The following PBX3 variants were observed in gnomAD, a reference collection of about 807,000 sequenced individuals.
PBX3 encodes PBX homeobox 3.
In PBX3, 14 loss-of-function variants were observed where a neutral mutation model predicts 48.5. The ratio of observed to expected loss-of-function variants is 0.29; its 90% CI spans 0.19 to 0.45. PBX3 has a LOEUF of 0.45. Ranked by LOEUF, PBX3 falls within the 20% of genes least tolerant of loss-of-function variation. The pLI is 1.00. For missense variants in PBX3, 386 were observed against 546.7 expected (o/e 0.71, Z 2.93); for synonymous variants, 210 against 200.3 (o/e 1.05, Z -0.41).
At chr9:125,942,485 T>C (rs961253717) in intron 5 of PBX3, among the ~76,000 whole-genome samples, 6 of 152,122 alleles carry the variant, frequency 3.9e-5, no homozygotes, top group Admixed American at 2.0e-4. Context: ...AAGATTTCCT[T>C]ATTAAAAAAA....
chr9:125,888,622 G>C (rs1408873016), intron 2 of PBX3, among the ~76,000 whole-genome samples: 1 of 151,294 alleles, frequency 6.6e-6, no homozygotes, highest in African/African-American at 2.4e-5. Flanking sequence ...TACAAACTTA[G>C]TAAAGTTTTG....
chr9:125,843,639 C>T (rs192264399), intron 2 of PBX3: 31 of 254,502 alleles, frequency 1.2e-4, no homozygotes, highest in East Asian at 3.4e-4. Context: ...ACAACAGTCC[C>T]GAAAGAATAT....
chr9:125,860,041 C>T (rs1194461477), intron 2 of PBX3, among the ~76,000 whole-genome samples: 1 of 152,214 alleles, frequency 6.6e-6, no homozygotes, highest in Non-Finnish European at 1.5e-5. Flanking sequence ...GTTTATGCCA[C>T]TGTAACAAAC....
At chr9:125,804,789 T>C (rs1281432926) in intron 2 of PBX3, among the ~76,000 whole-genome samples, 1 of 151,526 alleles carries the variant, frequency 6.6e-6, no homozygotes, top group Non-Finnish European at 1.5e-5. Context: ...TTACTAAAAA[T>C]GCAAAAAATT....
intron 2 of PBX3, among the ~76,000 whole-genome samples, chr9:125,904,589 G>GAGTAA (rs1282007106): frequency 4.0e-4 from 61 of 151,980 alleles, no homozygotes; most frequent in African/African-American, 1.4e-3. Flanking sequence ...CAGTGAGGTT[G>GAGTAA]CCGTTTTATT....
intron 2 of PBX3, among the ~76,000 whole-genome samples, chr9:125,806,693 A>G (rs1316770656): frequency 1.3e-5 from 2 of 152,176 alleles, no homozygotes; most frequent in South Asian, 2.1e-4. Context: ...TGGCAGTCAT[A>G]TGGGGGGAAA....
At chr9:125,904,771 A>G (rs1197998098) in intron 2 of PBX3, among the ~76,000 whole-genome samples, 1 of 151,922 alleles carries the variant, frequency 6.6e-6, no homozygotes, top group East Asian at 1.9e-4. Context: ...AGCTGCCCAG[A>G]GAGTCAGTAC....
At chr9:125,796,566 T>C (rs1424659059) in intron 2 of PBX3, among the ~76,000 whole-genome samples, 1 of 152,136 alleles carries the variant, frequency 6.6e-6, no homozygotes. Flanking sequence ...AAAAGAGATA[T>C]ATTGTCTGCA....
chr9:125,803,811 A>T (rs1215133355), intron 2 of PBX3, among the ~76,000 whole-genome samples: 1 of 152,226 alleles, frequency 6.6e-6, no homozygotes, highest in African/African-American at 2.4e-5. Context: ...CTAATTTTTA[A>T]TATAACTGAT....
intron 2 of PBX3, among the ~76,000 whole-genome samples, chr9:125,872,116 A>G (rs1329485425): frequency 6.6e-6 from 1 of 152,214 alleles, no homozygotes; most frequent in Non-Finnish European, 1.5e-5. Context: ...ATGAAATGGT[A>G]GGGGCAGAAA....
chr9:125,888,483 C>A (rs1335164266), intron 2 of PBX3, among the ~76,000 whole-genome samples: 1 of 151,790 alleles, frequency 6.6e-6, no homozygotes, highest in African/African-American at 2.4e-5. Context: ...AGAGGAGAGG[C>A]GGCATACATG....
chr9:125,942,456 CTAATTAAAATTTG>C (rs1841976003), intron 5 of PBX3, among the ~76,000 whole-genome samples: 2 of 151,990 alleles, frequency 1.3e-5, no homozygotes, highest in South Asian at 4.2e-4. Flanking sequence ...ATTCAGTAAG[CTAATTAAAATTTG>C]TAAGTAAGAT....
At chr9:125,902,774 C>T (rs867660184) in intron 2 of PBX3, among the ~76,000 whole-genome samples, 7 of 151,604 alleles carry the variant, frequency 4.6e-5, no homozygotes, top group East Asian at 1.9e-4. Flanking sequence ...AATGTGTTAA[C>T]GACGTGTTAA....
intron 2 of PBX3, among the ~76,000 whole-genome samples, chr9:125,903,594 T>G: frequency 6.6e-6 from 1 of 151,982 alleles, no homozygotes; most frequent in South Asian, 2.1e-4. Context: ...GAATTCGATG[T>G]TATTCATACA....
intron 2 of PBX3, among the ~76,000 whole-genome samples, chr9:125,798,427 C>G (rs1837845244): frequency 6.6e-6 from 1 of 152,082 alleles, no homozygotes; most frequent in Non-Finnish European, 1.5e-5. Context: ...CCACCAGCCC[C>G]TTGATGTTGA....
intron 5 of PBX3, among the ~76,000 whole-genome samples, chr9:125,958,642 CAAAG>C (rs1441209803): frequency 6.6e-6 from 1 of 152,126 alleles, no homozygotes; most frequent in Non-Finnish European, 1.5e-5. Flanking sequence ...ATCAGGACCA[CAAAG>C]AAAATATAGA....
At chr9:125,818,768 C>T (rs959761882) in intron 2 of PBX3, among the ~76,000 whole-genome samples, 3 of 152,106 alleles carry the variant, frequency 2.0e-5, no homozygotes, top group Non-Finnish European at 4.4e-5. Flanking sequence ...GTTAGGATTA[C>T]AGGCGTGAGC....
At chr9:125,964,397 G>C (rs1463467486) in intron 8 of PBX3, among the ~76,000 whole-genome samples, 1 of 152,134 alleles carries the variant, frequency 6.6e-6, no homozygotes, top group African/African-American at 2.4e-5. Flanking sequence ...TCATACCTGA[G>C]GGGGGAAACA....
intron 2 of PBX3, among the ~76,000 whole-genome samples, chr9:125,806,194 C>T (rs1201934750): frequency 6.6e-6 from 1 of 152,044 alleles, no homozygotes; most frequent in Admixed American, 6.6e-5. Context: ...GGAAAGGGCA[C>T]TTCAGGCAGA....
Sources: allele counts gnomAD v4.1 joint callset (sites outside exome capture counted in the v4.1 genomes callset), GRCh38; gene constraint gnomAD v4.1.1; transcripts MANE v1.5; gene names NCBI Gene and HGNC (gene_info 2026-07-23, HGNC 2026-07-21).